ZNF641: variants seen among roughly 807,000 people sequenced by gnomAD.
ZNF641 encodes the protein zinc finger protein 641.
A neutral mutation model predicts 46.2 loss-of-function variants in ZNF641; 26 were observed. That is an observed-to-expected ratio of 0.56 (90% CI 0.41 to 0.78). The LOEUF (loss-of-function observed/expected upper bound fraction) is 0.78. Ranked by LOEUF, ZNF641 falls within the 30% of genes least tolerant of loss-of-function variation. The pLI, the probability that ZNF641 is intolerant of heterozygous loss-of-function variation, is 0.00. For synonymous variants in ZNF641, 163 were observed against 187.9 expected, an observed-to-expected ratio of 0.87 and a Z score of 1.09; for missense variants, 469 against 517.8, an observed-to-expected ratio of 0.91 and a Z score of 0.91.
chr12:48,348,151 T>C (rs756468185), intron 1 of ZNF641, 36 bp from the exon 2 acceptor site: 26 of 1,605,110 alleles, frequency 1.6e-5, no homozygotes, highest in Non-Finnish European at 2.0e-5. Flanking sequence ...CCCATGAAAA[T>C]GGGAAAGGAG....
In ZNF641 at chr12:48,343,104, C is replaced by T. The variant is rs1257457723; in HGVS notation, c.1144G>A (p.Gly382Arg). 1.2e-6 allele frequency: 2 copies of T among 1,614,258 alleles called. No individual in the cohort carries two copies. The highest frequency in any genetic ancestry group is 2.2e-5 in the South Asian group (2 of 91,086). The change falls in exon 6 of 6, where the codon GGG becomes AGG. Residue 382 changes from glycine to arginine, a missense_variant. By Grantham distance (125) the Gly-to-Arg change is moderately radical. Transcript: ENST00000547026. ...CGAGGGCACTGGAAGGGCTTCTCCC[C>T]AGTGTGGGTCAGCCAGTGTCTCACA... ...HLVRHWLTHT[G>R]EKPFQCPRCE...
rs1952762372 is a variant in ZNF641, at chr12:48,343,142, C to T, written c.1106G>A (p.Arg369Gln). ...VCTECGKSFGRRHHLVRHWLT... is the reference protein window; with the variant it reads ...VCTECGKSFGQRHHLVRHWLT... Reference sequence around the variant, plus strand: ...CCAGTGTCTCACAAGGTGGTGCCTTCGGCCAAAGCTCTTCCCACATTCAGT... The same window carrying T: ...CCAGTGTCTCACAAGGTGGTGCCTTTGGCCAAAGCTCTTCCCACATTCAGT... The change falls in exon 6 of 6, where the codon CGA (arginine) becomes CAA (glutamine). Residue 369 changes from arginine (R) to glutamine (Q), a missense_variant. This residue lies in a region of ZNF641 where 346 missense variants were observed against 354.0 expected (regional missense o/e 0.98). Transcript: ENST00000547026. The T allele has an allele frequency of 3.1e-6, 5 of 1,614,208 alleles. No homozygotes were observed. Among genetic ancestry groups the T allele is most frequent in the East Asian group, 2.2e-5 (1 of 44,878 alleles).
chr12:48,346,416 T>C (rs1295835451), intron 3 of ZNF641, among the ~76,000 whole-genome samples: 2 of 152,182 alleles, frequency 1.3e-5, no homozygotes, highest in African/African-American at 2.4e-5. Flanking sequence ...ATGGCATACA[T>C]GATAAACACT....
intron 1 of ZNF641, among the ~76,000 whole-genome samples, 171 bp from the exon 2 acceptor site, chr12:48,348,286 G>A (rs1177775804): frequency 6.6e-6 from 1 of 152,194 alleles, no homozygotes; most frequent in Non-Finnish European, 1.5e-5. Context: ...CCTGCACCAA[G>A]CTTCTTGGAG....
At chr12:48,349,163 T>A (rs1458389588) in intron 1 of ZNF641, among the ~76,000 whole-genome samples, 3 of 152,020 alleles carry the variant, frequency 2.0e-5, no homozygotes, top group Non-Finnish European at 4.4e-5. Flanking sequence ...CAGAAAAAAA[T>A]GGGTCTTGAT....
rs2732466 is a variant in ZNF641, at chr12:48,338,676, A to G, written c.*4297T>C. On this transcript the variant is annotated 3_prime_UTR_variant, in exon 6 of 6. Transcript: ENST00000547026. ...GTTACAACCTCTACCTAGTAAGCAG[A>G]GTCTGGATTTAAATCTTGCTTGTGT... 0.24 allele frequency: 36,127 copies of G among 152,208 alleles called. 5,534 individuals carry two copies. The highest frequency in any genetic ancestry group is 0.36 in the South Asian group (1,723 of 4,832). 9.4% of individuals were successfully genotyped at this position (152,208 alleles called of 1,614,324 possible).
intron 1 of ZNF641, chr12:48,350,363 C>T (rs1045256111): frequency 3.4e-6 from 2 of 590,214 alleles, no homozygotes; most frequent in Admixed American, 3.3e-5. Context: ...ATGGGCGGGA[C>T]GGGAGCCTGC....
In ZNF641 at chr12:48,350,858, T is replaced by A. The variant is rs1468232061; in HGVS notation, c.-98A>T. ...CCTGCCCCTCCCCTCCGCCCTCCGCTTGCGTCTGGGAGCCGGCGGCCGGCG... is the reference window on the plus strand; with the variant it reads ...CCTGCCCCTCCCCTCCGCCCTCCGCATGCGTCTGGGAGCCGGCGGCCGGCG... On this transcript the variant is annotated 5_prime_UTR_variant, in exon 1 of 6. It adds an upstream start codon to the 5' untranslated region. Coordinates refer to ENST00000547026, the MANE Select transcript of ZNF641 (RefSeq NM_001172681.2). 3 of 984,848 alleles carry A rather than the reference T, an allele frequency of 3.0e-6. No individual in the cohort carries two copies. Among genetic ancestry groups the A allele is most frequent in the South Asian group, 4.7e-5 (1 of 21,296 alleles). 61.0% of individuals were successfully genotyped at this position (984,848 alleles called of 1,614,324 possible).
intron 3 of ZNF641, among the ~76,000 whole-genome samples, 172 bp from the exon 4 acceptor site, chr12:48,345,646 G>A (rs1952849654): frequency 6.6e-6 from 1 of 152,192 alleles, no homozygotes; most frequent in South Asian, 2.1e-4. Flanking sequence ...ATGAGGAGAG[G>A]AGTAAAGGTA....
chr12:48,341,484 T>G lies in ZNF641; in HGVS notation c.*1489A>C. On this transcript the variant is annotated 3_prime_UTR_variant, in exon 6 of 6. Transcript: ENST00000547026. ...CTTAGTGTGGACACCTTTCCAGAAT[T>G]GGAAGGAAAACCAACCAGAAAGCTT... 1.0e-6 allele frequency: 1 copy of G among 985,438 alleles called. No homozygotes were observed. The highest frequency in any genetic ancestry group is 1.2e-6 in the Non-Finnish European group (1 of 829,948). The allele number at this position is 985,438 out of a possible 1,614,324, so 61.0% of individuals were successfully genotyped here. A position where few individuals can be genotyped will look rare whatever the true frequency, so the allele number is the denominator to read the frequency against.
chr12:48,337,044 T>C (rs932371957), downstream of ZNF641: 2 of 152,274 alleles, frequency 1.3e-5, no homozygotes, highest in African/African-American at 4.8e-5. Flanking sequence ...TGGAGGCTTA[T>C]GTTTCAGGCA....
Position 48,342,805 on chromosome 12 carries a change from A to C in ZNF641, c.*168T>G. On this transcript the variant is annotated 3_prime_UTR_variant, in exon 6 of 6. Coordinates refer to ENST00000547026, the MANE Select transcript of ZNF641 (RefSeq NM_001172681.2). ...GAACTCTATTTTTATGTGCTATCTC[A>C]CAGAACTGGTGAGAAATGCTCTGGC... The C allele has an allele frequency of 7.0e-7, 1 of 1,425,660 alleles. No homozygotes were observed. Among genetic ancestry groups the C allele is most frequent in the Non-Finnish European group, 9.1e-7 (1 of 1,095,174 alleles). The allele number at this position is 1,425,660 out of a possible 1,614,324, so 88.3% of individuals were successfully genotyped here.
At chr12:48,336,822 C>A (rs1952609685), downstream of ZNF641, among the ~76,000 whole-genome samples, 1 of 152,208 alleles carries the variant, frequency 6.6e-6, no homozygotes, top group South Asian at 2.1e-4. Flanking sequence ...CCTTGTAGGG[C>A]CTTGAAACTG....
rs1952877281 is a variant in ZNF641, at chr12:48,346,540, C to A, written c.276+712G>T. 2.6e-5 allele frequency among the ~76,000 whole-genome samples: 4 copies of A among 152,132 alleles called. No homozygotes were observed. In the South Asian group the frequency reaches 8.3e-4, roughly 32 times the overall value. On this transcript the variant is annotated intron_variant, in intron 3 of 5. Transcript: ENST00000547026. ...TTCTAGCTCTGCCCCTCTTTATAAC[C>A]TTCTTCCTCTTCTTTTCCATAAATG...
In ZNF641 at chr12:48,343,069, C is replaced by G. The variant is rs138901658; in HGVS notation, c.1179G>C (p.Lys393Asn). 1 of 1,614,264 alleles carries G rather than the reference C, an allele frequency of 6.2e-7. No individual in the cohort carries two copies. The highest frequency in any genetic ancestry group is 1.7e-5 in the Admixed American group (1 of 60,032). ...EKPFQCPRCE[K>N]SFGRKHHLDR... Reference sequence around the variant, plus strand: ...CCAGGTGATGTTTTCGGCCAAAGCTCTTCTCACAGCGAGGGCACTGGAAGG... The same window carrying G: ...CCAGGTGATGTTTTCGGCCAAAGCTGTTCTCACAGCGAGGGCACTGGAAGG... The change falls in exon 6 of 6, where the codon AAG (lysine) becomes AAC (asparagine). Residue 393 changes from lysine (K) to asparagine (N), a missense_variant. Lys to Asn is a moderately conservative substitution (Grantham distance 94, BLOSUM62 0). Transcript: ENST00000547026.
downstream of ZNF641, among the ~76,000 whole-genome samples, chr12:48,336,732 C>T (rs750820700): frequency 5.9e-5 from 9 of 152,186 alleles, no homozygotes; most frequent in Non-Finnish European, 1.2e-4. Context: ...CACTCACTAC[C>T]GCCACCACTT....
At position 48,339,777 on chromosome 12, in the gene ZNF641, T is replaced by C. The variant is rs1481550149; in HGVS notation, c.*3196A>G. The C allele has an allele frequency of 3.9e-6, 1 of 256,814 alleles. No individual in the cohort carries two copies. The highest frequency in any genetic ancestry group is 6.1e-6 in the Non-Finnish European group (1 of 163,652). 15.9% of individuals were successfully genotyped at this position (256,814 alleles called of 1,614,324 possible). Reference sequence around the variant, plus strand: ...TGTCCCAAATTATCACCTCTTTGGTTCTCTGAAGCCATAACATTACTTTGA... The same window carrying C: ...TGTCCCAAATTATCACCTCTTTGGTCCTCTGAAGCCATAACATTACTTTGA... On this transcript the variant is annotated 3_prime_UTR_variant, in exon 6 of 6. Coordinates refer to ENST00000547026, the MANE Select transcript of ZNF641 (RefSeq NM_001172681.2).
Position 48,342,756 on chromosome 12 carries a change from T to C in ZNF641, c.*217A>G. 1 of 1,394,664 alleles carries C rather than the reference T, an allele frequency of 7.2e-7. No individual in the cohort carries two copies. Among genetic ancestry groups the C allele is most frequent in the East Asian group, 2.7e-5 (1 of 37,728 alleles). 86.4% of individuals were successfully genotyped at this position (1,394,664 alleles called of 1,614,324 possible). On this transcript the variant is annotated 3_prime_UTR_variant, in exon 6 of 6. Coordinates refer to ENST00000547026, the MANE Select transcript of ZNF641 (RefSeq NM_001172681.2). ...GAATATCAGCCCATGTAGGATGCATTGCTTCCCAAAAGTTTTGCCCAAAGA... is the reference window on the plus strand; with the variant it reads ...GAATATCAGCCCATGTAGGATGCATCGCTTCCCAAAAGTTTTGCCCAAAGA...
In ZNF641 at chr12:48,345,811, A is replaced by G. The variant is rs542474225; in HGVS notation, c.277-337T>C. 9.2e-5 allele frequency among the ~76,000 whole-genome samples: 14 copies of G among 152,242 alleles called. No homozygotes were observed. The South Asian group carries it at 1.7e-3, about 18-fold the overall frequency. On this transcript the variant is annotated intron_variant, in intron 3 of 5. Coordinates refer to ENST00000547026, the MANE Select transcript of ZNF641 (RefSeq NM_001172681.2). ...CTGGCCTTACTCTTTTTATGAAGAA[A>G]TTATGTACCATTTCCTCCTTCTTCC... is the stretch of plus-strand genomic sequence containing the variant.
Sources: gnomAD v4.1 joint callset for allele counts (sites outside exome capture counted in the v4.1 genomes callset) on GRCh38, gnomAD v4.1.1 for gene constraint, gnomAD v4.1.1 regional missense constraint, MANE v1.5 for transcripts, NCBI Gene and HGNC (gene_info 2026-07-23, HGNC 2026-07-21) for gene names.